The following USP32 variants were observed in gnomAD, a reference collection of about 807,000 sequenced individuals.
The protein encoded by USP32 is ubiquitin specific peptidase 32, also known as ubiquitin carboxyl-terminal hydrolase 32.
A neutral mutation model predicts 204.8 loss-of-function variants in USP32; 59 were observed. The observed-to-expected ratio is 0.29, with a 90% CI of 0.23 to 0.36. The LOEUF is 0.36. Ranked by LOEUF, USP32 falls within the 10% of genes least tolerant of loss-of-function variation. USP32 has a pLI of 1.00. For synonymous variants in USP32, 517 were observed against 678.4 expected (o/e 0.76, Z 3.70); for missense variants, 1,160 against 1,946.4 (o/e 0.60, Z 7.60).
rs146822514 is a variant in USP32 at position 60,311,834 on chromosome 17, C to CA, written c.187-10131dup. ...GAGCGAAATTCCACCTCAAACAAAA[C>CA]AAAAAAAAACGGTAGATATGTGTAG... is the stretch of plus-strand genomic sequence containing the variant. On this transcript the variant is annotated intron_variant, in intron 2 of 33. Transcript: ENST00000300896. 2.5e-3 allele frequency among the ~76,000 whole-genome samples: 370 copies of CA among 149,416 alleles called. 9 individuals are homozygous for CA. The East Asian group carries it at 0.054, about 22-fold the overall frequency.
chr17:60,379,146 T>A (rs1353155178), intron 1 of USP32, among the ~76,000 whole-genome samples: 1 of 152,166 alleles, frequency 6.6e-6, no homozygotes, highest in Non-Finnish European at 1.5e-5. Context: ...TTTAGTACAA[T>A]TTTTTGCTTT....
intron 26 of USP32, among the ~76,000 whole-genome samples, chr17:60,204,981 C>T (rs552569806): frequency 1.0e-4 from 15 of 145,858 alleles, no homozygotes; most frequent in African/African-American, 2.8e-4. Context: ...TTAGAAGAGA[C>T]GAGGTCTCAC....
chr17:60,184,488 G>C (rs1233925091), intron 30 of USP32, among the ~76,000 whole-genome samples: 1 of 152,088 alleles, frequency 6.6e-6, no homozygotes, highest in Non-Finnish European at 1.5e-5. Context: ...CAGCTTCACA[G>C]AGTAGTATGA....
intron 1 of USP32, among the ~76,000 whole-genome samples, chr17:60,402,246 C>CTTTT: frequency 8.4e-6 from 1 of 118,450 alleles, no homozygotes; most frequent in Non-Finnish European, 1.7e-5. Flanking sequence ...CCTCATTTAT[C>CTTTT]TTTTTTTTTT....
chr17:60,391,987 A>AC lies in USP32; in HGVS notation c.-49dup, dbSNP rs748529981. On this transcript the variant is annotated 5_prime_UTR_variant, in exon 1 of 34. Coordinates refer to ENST00000300896, the MANE Select transcript of USP32 (RefSeq NM_032582.4). Reference sequence around the variant, plus strand: ...GGGGTCGGAGCCTGATCTCGCCCCCACCCCCCTCCCGCCTTCTCCTCGGCG... The same window carrying AC: ...GGGGTCGGAGCCTGATCTCGCCCCCACCCCCCCTCCCGCCTTCTCCTCGGCG... 7 of 1,243,826 alleles carry AC rather than the reference A, an allele frequency of 5.6e-6. No homozygotes were observed. The African/African-American group carries it at 1.3e-4, about 23-fold the overall frequency. 77.0% of individuals were successfully genotyped at this position (1,243,826 alleles called of 1,614,324 possible).
At chr17:60,344,946 G>A (rs1290073872) in intron 2 of USP32, among the ~76,000 whole-genome samples, 2 of 152,108 alleles carry the variant, frequency 1.3e-5, no homozygotes, top group South Asian at 2.1e-4. Context: ...CTACAGGGAC[G>A]CACAGTGGCG....
chr17:60,369,966 C>G (rs945385039), intron 1 of USP32, among the ~76,000 whole-genome samples: 2 of 152,112 alleles, frequency 1.3e-5, no homozygotes, highest in African/African-American at 2.4e-5. Flanking sequence ...TCTCGAACTC[C>G]TGCCTCAAGT....
intron 5 of USP32, 118 bp from the exon 6 acceptor site, chr17:60,271,599 AAAT>A (rs2086726278): frequency 9.4e-7 from 1 of 1,066,910 alleles, no homozygotes; most frequent in African/African-American, 1.6e-5. Context: ...AATTGCTAAA[AAAT>A]AATCACGACC....
chr17:60,420,225 C>T (rs2090099486), intron 1 of USP32, among the ~76,000 whole-genome samples: 1 of 151,838 alleles, frequency 6.6e-6, no homozygotes, highest in South Asian at 2.1e-4. Context: ...AACTCCTGAT[C>T]TCAGGTGACC....
chr17:60,350,478 G>A (rs1303674895), intron 1 of USP32, among the ~76,000 whole-genome samples: 1 of 152,160 alleles, frequency 6.6e-6, no homozygotes, highest in East Asian at 1.9e-4. Context: ...TAGTAGAGAT[G>A]AGGTTTCACC....
intron 11 of USP32, among the ~76,000 whole-genome samples, chr17:60,238,933 T>C (rs919600413): frequency 6.6e-6 from 1 of 152,146 alleles, no homozygotes; most frequent in Non-Finnish European, 1.5e-5. Flanking sequence ...CTCCAGCCTG[T>C]GTGACAGTGT....
chr17:60,192,155 G>C (rs531488498), intron 28 of USP32, among the ~76,000 whole-genome samples: 6 of 152,096 alleles, frequency 3.9e-5, no homozygotes, highest in African/African-American at 1.4e-4. Context: ...GCTGGGTACA[G>C]TGGTGTGCAC....
chr17:60,377,080 C>A (rs2089559747), intron 1 of USP32, among the ~76,000 whole-genome samples: 1 of 152,076 alleles, frequency 6.6e-6, no homozygotes, highest in South Asian at 2.1e-4. Flanking sequence ...TATTTACATC[C>A]CCCTTAAACT....
At chr17:60,358,158 A>C (rs111491865) in intron 1 of USP32, among the ~76,000 whole-genome samples, 3 of 152,266 alleles carry the variant, frequency 2.0e-5, no homozygotes, top group African/African-American at 4.8e-5. Context: ...TTTTATTGCA[A>C]ATATAGAGTA....
At chr17:60,253,947 A>G (rs1244153816) in intron 10 of USP32, among the ~76,000 whole-genome samples, 2 of 152,200 alleles carry the variant, frequency 1.3e-5, no homozygotes, top group African/African-American at 4.8e-5. Flanking sequence ...TTACAGGCCT[A>G]TCAGATTATA....
intron 10 of USP32, among the ~76,000 whole-genome samples, chr17:60,253,487 T>G (rs780780986): frequency 1.3e-5 from 2 of 151,966 alleles, no homozygotes; most frequent in African/African-American, 4.8e-5. Context: ...TTGACCAGGC[T>G]AGGCTTGGTG....
At chr17:60,294,624 CA>C (rs2087379250) in intron 4 of USP32, 58 bp downstream of exon 4, 1 of 1,133,154 alleles carries the variant, frequency 8.8e-7, no homozygotes, top group African/African-American at 1.6e-5. Flanking sequence ...ACTTATTACA[CA>C]ACTAAGAGTT....
chr17:60,179,189 C>G lies in USP32; in HGVS notation c.*66G>C. The G allele has an allele frequency of 2.6e-6, 4 of 1,532,558 alleles. No homozygotes were observed. The South Asian group carries it at 5.1e-5, about 19-fold the overall frequency. 94.9% of individuals were successfully genotyped at this position (1,532,558 alleles called of 1,614,324 possible). On this transcript the variant is annotated 3_prime_UTR_variant, in exon 34 of 34. Coordinates refer to ENST00000300896, the MANE Select transcript of USP32 (RefSeq NM_032582.4). ...AGCTTGCCTTTCAGTGACGCTTTTG[C>G]CAAATGTCAGCTACAAGGAGTCATC...
chr17:60,252,936 A>G (rs2086205198), intron 10 of USP32, among the ~76,000 whole-genome samples: 1 of 152,228 alleles, frequency 6.6e-6, no homozygotes, highest in Admixed American at 6.5e-5. Flanking sequence ...TTAATTGCAT[A>G]TATTAATTGT....
Sources: allele counts gnomAD v4.1 joint callset (sites outside exome capture counted in the v4.1 genomes callset), GRCh38; gene constraint gnomAD v4.1.1; transcripts MANE v1.5; gene names NCBI Gene and HGNC (gene_info 2026-07-23, HGNC 2026-07-21).